Variants in PHF10 observed in about 807,000 individuals in gnomAD.
The protein encoded by PHF10 is BRG1-associated factor 45a.
Under a neutral mutation model 68.5 loss-of-function variants are expected in PHF10, and 51 were observed. The observed-to-expected ratio is 0.74, with a 90% CI of 0.59 to 0.94. The LOEUF (loss-of-function observed/expected upper bound fraction) is 0.94, where lower values mean the gene tolerates loss of function less well. PHF10 is among the 40% of genes least tolerant of loss of function. PHF10 has a pLI of 0.00. For missense variants in PHF10, 460 were observed against 602.6 expected, an observed-to-expected ratio of 0.76 and a Z score of 2.48; for synonymous variants, 204 against 203.5, an observed-to-expected ratio of 1.00 and a Z score of -0.02.
In PHF10 at chr6:169,705,215, G is replaced by T. The variant is rs754426578; in HGVS notation, c.1329C>A (p.His443Gln). 3 of 1,613,724 alleles carry T rather than the reference G, an allele frequency of 1.9e-6. No individual in the cohort carries two copies. Among genetic ancestry groups the T allele is most frequent in the Admixed American group, 3.3e-5 (2 of 59,998 alleles). The change falls in exon 11 of 12, where the codon CAC becomes CAA. Residue 443 changes from histidine to glutamine, a missense_variant. His to Gln is a conservative substitution (Grantham distance 24). Around this residue, in one of 3 missense-constraint regions of PHF10, gnomAD observed 111 missense variants for 109.7 expected, o/e 1.01. Transcript: ENST00000339209. Reference protein sequence around the residue: ...CKTCIICGQPHHEEEMMFCDM... With the variant: ...CKTCIICGQPQHEEEMMFCDM... ...CACAGAACATCATTTCTTCTTCATG[G>T]TGGGGTTGTCCACATATAATGCATG...
intron 1 of PHF10, among the ~76,000 whole-genome samples, chr6:169,722,177 T>C (rs1285722238): frequency 2.0e-5 from 3 of 152,252 alleles, no homozygotes; most frequent in East Asian, 1.9e-4. Context: ...ATGATGATTA[T>C]GATGATAATA....
Position 169,715,740 on chromosome 6 carries a change from C to A in PHF10, c.661G>T (p.Glu221Ter). 6.2e-7 allele frequency: 1 copy of A among 1,612,512 alleles called. No homozygotes were observed. Among genetic ancestry groups the A allele is most frequent in the Non-Finnish European group, 8.5e-7 (1 of 1,179,984 alleles). The change falls in exon 6 of 12, where the codon GAA becomes TAA. Residue 221 changes from glutamate to a stop codon, truncating the protein, a stop_gained. Coordinates refer to ENST00000339209, the MANE Select transcript of PHF10 (RefSeq NM_018288.4). LOFTEE classifies it high-confidence loss of function. ...TGCAAGTCAAAATAAGCTCTTCTTTCTTCCATGCGTTCCCGGTTTAAGTTG... is the reference window on the plus strand; with the variant it reads ...TGCAAGTCAAAATAAGCTCTTCTTTATTCCATGCGTTCCCGGTTTAAGTTG... Reference protein sequence around the residue: ...NSNLNRERMEERRAYFDLQTH... With the variant: ...NSNLNRERME
At chr6:169,720,488 G>C (rs1314662257) in intron 2 of PHF10, among the ~76,000 whole-genome samples, 1 of 152,128 alleles carries the variant, frequency 6.6e-6, no homozygotes, top group Non-Finnish European at 1.5e-5. Flanking sequence ...AAAAAAGTCT[G>C]ACATATGCTA....
At chr6:169,715,228 A>G (rs1472511735) in intron 6 of PHF10, among the ~76,000 whole-genome samples, 1 of 152,236 alleles carries the variant, frequency 6.6e-6, no homozygotes, top group Non-Finnish European at 1.5e-5. Flanking sequence ...CAAGTATGAT[A>G]TGTAGCTATT....
At chr6:169,712,701 A>G (rs897088155) in intron 7 of PHF10, among the ~76,000 whole-genome samples, 162 bp from the exon 8 acceptor site, 2 of 152,236 alleles carry the variant, frequency 1.3e-5, no homozygotes, top group Admixed American at 1.3e-4. Context: ...GGGTTAATAA[A>G]AAGCCTGAAC....
At chr6:169,712,802 A>T (rs1427162735) in intron 7 of PHF10, among the ~76,000 whole-genome samples, 2 of 152,186 alleles carry the variant, frequency 1.3e-5, no homozygotes, top group Non-Finnish European at 2.9e-5. Flanking sequence ...AAAAAAAGAA[A>T]AAAGTAAATA....
rs1408538010 is a variant in PHF10, at chr6:169,723,818, G to T, written c.87+27C>A. The stretch of plus-strand genomic sequence containing the variant: ...CACCCAGGCCCGGGACGGGGTCAGG[G>T]TCGGGTCGCACCGGCCGCTTCCTCA... On this transcript the variant is annotated intron_variant, in intron 1 of 11. Coordinates refer to ENST00000339209, the MANE Select transcript of PHF10 (RefSeq NM_018288.4). The T allele has an allele frequency of 7.0e-6, 6 of 851,888 alleles. No homozygotes were observed. In the African/African-American group the frequency reaches 9.0e-5, roughly 13 times the overall value. 52.8% of individuals were successfully genotyped at this position (851,888 alleles called of 1,614,324 possible).
chr6:169,712,405 C>A lies in PHF10; in HGVS notation c.938G>T (p.Arg313Leu). Residue 313 changes from arginine (R) to leucine (L), a missense_variant, in exon 8 of 12, where the codon CGG (arginine) becomes CTG (leucine). Physicochemically the swap from Arg to Leu is moderately radical, Grantham distance 102 (BLOSUM62 -2). Around this residue, in one of 3 missense-constraint regions of PHF10, gnomAD observed 256 missense variants for 410.5 expected, o/e 0.62. Coordinates refer to ENST00000339209, the MANE Select transcript of PHF10 (RefSeq NM_018288.4). ...DGEDGRGDEK[R>L]KNKGTSDSSS... ...TCTCACCGAAGTGCCTTTATTTTTC[C>A]GTTTCTCATCACCTCGACCATCTTC... 1 of 1,613,946 alleles carries A rather than the reference C, an allele frequency of 6.2e-7. No individual in the cohort carries two copies. Among genetic ancestry groups the A allele is most frequent in the Non-Finnish European group, 8.5e-7 (1 of 1,179,918 alleles).
intron 9 of PHF10, chr6:169,709,149 C>T (rs989093189): frequency 4.6e-5 from 7 of 151,706 alleles, no homozygotes; most frequent in African/African-American, 1.5e-4. Flanking sequence ...AACTTAATGT[C>T]GCTTTTTTTA....
At chr6:169,717,974 G>A in intron 3 of PHF10, 68 bp from the exon 4 acceptor site, 2 of 662,902 alleles carry the variant, frequency 3.0e-6, no homozygotes, top group South Asian at 2.4e-5. Context: ...ACTTTTAAAA[G>A]CTTAAAAACC....
At chr6:169,706,739 C>CACACACACACACATACATACATACAT (rs1788807108) in intron 9 of PHF10, among the ~76,000 whole-genome samples, 1 of 111,002 alleles carries the variant, frequency 9.0e-6, no homozygotes, top group Non-Finnish European at 1.7e-5. Context: ...CACACACACA[C>CACACACACACACATACATACATACAT]ACACACACAC....
At chr6:169,716,754 C>A (rs1435382674) in intron 4 of PHF10, among the ~76,000 whole-genome samples, 1 of 152,194 alleles carries the variant, frequency 6.6e-6, no homozygotes, top group Non-Finnish European at 1.5e-5. Flanking sequence ...CTTGCCCAGG[C>A]TGGAGTGCAG....
In PHF10 at chr6:169,724,176, G is replaced by A. The variant is rs1182617481; in HGVS notation, c.-245C>T. On this transcript the variant is annotated 5_prime_UTR_variant, in exon 1 of 12. Coordinates refer to ENST00000339209, the MANE Select transcript of PHF10 (RefSeq NM_018288.4). ...CGCGCGGGAGGGCGCCAAAGGCTGG[G>A]AGGGCGCGGGGCTGCGGGCCGGAAT... is the stretch of plus-strand genomic sequence containing the variant. The A allele has an allele frequency of 6.8e-6, 1 of 146,036 alleles. No individual in the cohort carries two copies. The highest frequency in any genetic ancestry group is 2.5e-5 in the African/African-American group (1 of 40,652). 9.0% of individuals were successfully genotyped at this position (146,036 alleles called of 1,614,324 possible).
chr6:169,711,502 T>C (rs550058527), intron 8 of PHF10, among the ~76,000 whole-genome samples: 1 of 152,196 alleles, frequency 6.6e-6, no homozygotes, highest in East Asian at 1.9e-4. Flanking sequence ...GGAACTTAAA[T>C]TGGTAAGACT....
rs1291019971 is a variant in PHF10 at position 169,724,452 on chromosome 6, C to T, written c.-521G>A. On this transcript the variant is annotated 5_prime_UTR_variant, in exon 1 of 12. Coordinates refer to ENST00000339209, the MANE Select transcript of PHF10 (RefSeq NM_018288.4). ...CCGCCGCTCCCCTCAGCCCCGCGGC[C>T]GCCTCAGCCCCGCCGCCGCCTGGCT... Among the ~76,000 whole-genome samples the T allele has an allele frequency of 7.0e-6, 1 of 143,286 alleles. No individual in the cohort carries two copies. The highest frequency in any genetic ancestry group is 3.4e-3 in the Middle Eastern group (1 of 294). The allele number at this position is 143,286 out of a possible 152,430, so 94.0% of individuals were successfully genotyped here. A position where few individuals can be genotyped will look rare whatever the true frequency, so the allele number is the denominator to read the frequency against.
At chr6:169,714,182 A>G (rs1401681103) in intron 7 of PHF10, among the ~76,000 whole-genome samples, 2 of 151,848 alleles carry the variant, frequency 1.3e-5, no homozygotes, top group African/African-American at 2.4e-5. Context: ...GGAATAGGAG[A>G]TAAGTAACAT....
In PHF10 at chr6:169,705,637, A is replaced by G; in HGVS notation, c.1201T>C (p.Cys401Arg). The part of the protein sequence containing the change: ...KKGKAESLIH[C>R]SQCENSGHPS... ...TTACCACTATTCTCACATTGGGAGC[A>G]GTGTATAAGTGATTCAGCCTTTCCT... The change falls in exon 10 of 12, where the codon TGC (cysteine) becomes CGC (arginine). Residue 401 changes from cysteine to arginine, a missense_variant. Cys to Arg is a radical substitution (Grantham distance 180, BLOSUM62 -3). This residue lies in a region of PHF10 where 256 missense variants were observed against 410.5 expected (regional missense o/e 0.62). Transcript: ENST00000339209. 6.7e-7 allele frequency: 1 copy of G among 1,490,524 alleles called. No individual in the cohort carries two copies. The highest frequency in any genetic ancestry group is 2.3e-5 in the East Asian group (1 of 44,280). 92.3% of individuals were successfully genotyped at this position (1,490,524 alleles called of 1,614,324 possible).
At chr6:169,712,579 T>C (rs1788950071) in intron 7 of PHF10, 40 bp from the exon 8 acceptor site, 7 of 1,562,034 alleles carry the variant, frequency 4.5e-6, no homozygotes, top group South Asian at 1.2e-5. Context: ...CCCTTTATTA[T>C]TAAATATAAA....
chr6:169,716,963 T>C (rs949299020), intron 4 of PHF10, among the ~76,000 whole-genome samples: 3 of 152,196 alleles, frequency 2.0e-5, no homozygotes, highest in Non-Finnish European at 2.9e-5. Flanking sequence ...GTAAAAATTA[T>C]TAGACAAGGG....
Sources: gnomAD v4.1 joint callset for allele counts (sites outside exome capture counted in the v4.1 genomes callset) on GRCh38, gnomAD v4.1.1 for gene constraint, gnomAD v4.1.1 regional missense constraint, MANE v1.5 for transcripts, NCBI Gene and HGNC (gene_info 2026-07-23, HGNC 2026-07-21) for gene names.